The following SEPTIN9 variants were observed in gnomAD, a reference collection of about 807,000 sequenced individuals.
SEPTIN9 encodes septin-9.
Under a neutral mutation model 56.6 loss-of-function variants are expected in SEPTIN9, and 13 were observed. The ratio of observed to expected loss-of-function variants is 0.23; its 90% CI spans 0.15 to 0.37. The LOEUF is 0.37. Ranked by LOEUF, SEPTIN9 falls within the 10% of genes least tolerant of loss-of-function variation. The pLI is 1.00. For synonymous variants in SEPTIN9, 332 were observed against 334.1 expected, an observed-to-expected ratio of 0.99 and a Z score of 0.07; for missense variants, 650 against 823.1, an observed-to-expected ratio of 0.79 and a Z score of 2.57.
chr17:77,466,054 TCACACACACACACACACACACA>T (rs10599395), intron 3 of SEPTIN9, among the ~76,000 whole-genome samples: 130 of 127,476 alleles, frequency 1.0e-3, no homozygotes, highest in African/African-American at 3.0e-3. Context: ...TTCTGGACTG[TCACACACACACACACACACACA>T]CACACACACA....
chr17:77,430,984 C>G (rs893768234), intron 3 of SEPTIN9, among the ~76,000 whole-genome samples: 2 of 145,278 alleles, frequency 1.4e-5, no homozygotes, highest in African/African-American at 5.5e-5. Flanking sequence ...GAGCAATACT[C>G]CGTATCAAAA....
rs111674803 is a variant in SEPTIN9 at position 77,281,970 on chromosome 17, G to C, written c.19+416G>C. 3.1e-3 allele frequency: 580 copies of C among 185,102 alleles called. 6 individuals are homozygous for C. Among genetic ancestry groups the C allele is most frequent in the African/African-American group, 0.012 (520 of 42,680 alleles). 11.5% of individuals were successfully genotyped at this position (185,102 alleles called of 1,614,324 possible). A position where few individuals can be genotyped will look rare whatever the true frequency, so the allele number is the denominator to read the frequency against. On this transcript the variant is annotated intron_variant, in intron 1 of 11. Coordinates refer to ENST00000427177, the MANE Select transcript of SEPTIN9 (RefSeq NM_001113491.2). ...GTCCAGGCCGCAGCATCCTTTCTTCGGATTCTCTTCGGTTTCTCCTCTACT... is the reference window on the plus strand; with the variant it reads ...GTCCAGGCCGCAGCATCCTTTCTTCCGATTCTCTTCGGTTTCTCCTCTACT...
At chr17:77,344,358 G>A (rs1426135627) in intron 2 of SEPTIN9, among the ~76,000 whole-genome samples, 1 of 152,224 alleles carries the variant, frequency 6.6e-6, no homozygotes, top group Non-Finnish European at 1.5e-5. Context: ...ATGGATAACA[G>A]CAAGTGTTGG....
At chr17:77,372,908 G>A (rs909101543) in intron 2 of SEPTIN9, among the ~76,000 whole-genome samples, 2 of 152,258 alleles carry the variant, frequency 1.3e-5, no homozygotes, top group Admixed American at 1.3e-4. Context: ...AGAGCGCGCG[G>A]CGGCGGTGAC....
chr17:77,338,981 C>T (rs2033643716), intron 2 of SEPTIN9, among the ~76,000 whole-genome samples: 1 of 152,212 alleles, frequency 6.6e-6, no homozygotes, highest in African/African-American at 2.4e-5. Context: ...TCTGCTCATC[C>T]ATAAGAAGCA....
intron 3 of SEPTIN9, among the ~76,000 whole-genome samples, chr17:77,470,483 C>CACTCATCCACCCATTCACTCATCT (rs1319926369): frequency 1.1e-4 from 16 of 152,186 alleles, no homozygotes; most frequent in African/African-American, 3.6e-4. Context: ...CCCACCCATC[C>CACTCATCCACCCATTCACTCATCT]ACTCATCCAC....
At chr17:77,316,070 G>C (rs1206299103) in intron 2 of SEPTIN9, among the ~76,000 whole-genome samples, 1 of 152,198 alleles carries the variant, frequency 6.6e-6, no homozygotes, top group Non-Finnish European at 1.5e-5. Context: ...CCTCACTGTA[G>C]GATTACTCAG....
At chr17:77,490,696 T>A in intron 7 of SEPTIN9, 46 bp from the exon 8 acceptor site, 1 of 1,434,344 alleles carries the variant, frequency 7.0e-7, no homozygotes, top group Non-Finnish European at 9.6e-7. Flanking sequence ...GCCCCCCCAC[T>A]GCCCCGCTCC....
rs56947697 is a variant in SEPTIN9, at chr17:77,301,394, T to TTGTGTG, written c.20-5707_20-5702dup. ...TTCAAGAAAAAAAATGGGAATAGAT[T>TTGTGTG]TGTGTGTGTGTGTGTGTGTGTGTGT... On this transcript the variant is annotated intron_variant, in intron 1 of 11. Coordinates refer to ENST00000427177, the MANE Select transcript of SEPTIN9 (RefSeq NM_001113491.2). 3.0e-3 allele frequency among the ~76,000 whole-genome samples: 430 copies of TTGTGTG among 142,508 alleles called. 1 individual carries two copies. The highest frequency in any genetic ancestry group is 7.5e-3 in the African/African-American group (282 of 37,544). The allele number at this position is 142,508 out of a possible 152,430, so 93.5% of individuals were successfully genotyped here.
chr17:77,484,606 G>T (rs2039614749), intron 4 of SEPTIN9, among the ~76,000 whole-genome samples: 1 of 148,124 alleles, frequency 6.8e-6, no homozygotes, highest in Non-Finnish European at 1.5e-5. Flanking sequence ...TGATGGTGGT[G>T]GTGATGGTGG....
Position 77,453,230 on chromosome 17 carries a change from G to A in SEPTIN9, c.722-28914G>A, listed in dbSNP as rs1039694146. 5.3e-5 allele frequency among the ~76,000 whole-genome samples: 8 copies of A among 152,098 alleles called. No homozygotes were observed. The highest frequency in any genetic ancestry group is 1.3e-4 in the Admixed American group (2 of 15,260). On this transcript the variant is annotated intron_variant, in intron 3 of 11. Coordinates refer to ENST00000427177, the MANE Select transcript of SEPTIN9 (RefSeq NM_001113491.2). This position sits in a 1 kb window ranked among gnomAD's most constrained non-coding sequence, Gnocchi z 4.4. Reference sequence around the variant, plus strand: ...AGAAGATGCGACTTCTGCCCTGAGAGCCCTGCTTTAATGGAAGGCGGGGGC... The same window carrying A: ...AGAAGATGCGACTTCTGCCCTGAGAACCCTGCTTTAATGGAAGGCGGGGGC...
chr17:77,460,276 C>T lies in SEPTIN9; in HGVS notation c.722-21868C>T, dbSNP rs187284101. Among the ~76,000 whole-genome samples, 394 of 152,164 alleles carry T rather than the reference C, an allele frequency of 2.6e-3. 2 individuals are homozygous for T. The highest frequency in any genetic ancestry group is 3.4e-3 in the Middle Eastern group (1 of 294). ...ACTCAGGGATGGGAGGCTGGTCCCC[C>T]GAGGGGCCCTGGTGTTTGTGGAGTG... On this transcript the variant is annotated intron_variant, in intron 3 of 11. Transcript: ENST00000427177.
chr17:77,286,798 G>C (rs1461152483), intron 1 of SEPTIN9, among the ~76,000 whole-genome samples: 3 of 152,214 alleles, frequency 2.0e-5, no homozygotes, highest in Non-Finnish European at 4.4e-5. Context: ...CCCGGCCAGG[G>C]GGTGATGATG....
Position 77,303,464 on chromosome 17 carries a change from G to A in SEPTIN9, c.20-3677G>A, listed in dbSNP as rs1020017193. ...TAACGGTGACTAACGCCTGTAATCC[G>A]AACACTTTGGGAGGCTGAGGCAGGC... On this transcript the variant is annotated intron_variant, in intron 1 of 11. Coordinates refer to ENST00000427177, the MANE Select transcript of SEPTIN9 (RefSeq NM_001113491.2). 1.2e-3 allele frequency among the ~76,000 whole-genome samples: 183 copies of A among 149,594 alleles called. 1 individual carries two copies. The highest frequency in any genetic ancestry group is 4.2e-3 in the African/African-American group (172 of 40,958).
chr17:77,438,619 C>T (rs886446795), intron 3 of SEPTIN9, among the ~76,000 whole-genome samples: 16 of 152,182 alleles, frequency 1.1e-4, no homozygotes, highest in African/African-American at 3.9e-4. Context: ...GGCCACAAGC[C>T]AAGAAATGCA....
intron 2 of SEPTIN9, among the ~76,000 whole-genome samples, chr17:77,401,049 T>C (rs1163406665): frequency 6.6e-6 from 1 of 152,054 alleles, no homozygotes; most frequent in Non-Finnish European, 1.5e-5. Flanking sequence ...ACTGAGAAAG[T>C]TGGTTCCTGT....
At chr17:77,334,503 A>T (rs1317432778) in intron 2 of SEPTIN9, among the ~76,000 whole-genome samples, 1 of 151,212 alleles carries the variant, frequency 6.6e-6, no homozygotes, top group East Asian at 1.9e-4. Context: ...TATATGTATC[A>T]TAAGTTTTTT....
At chr17:77,286,535 G>C (rs916694190) in intron 1 of SEPTIN9, 1 of 152,258 alleles carries the variant, frequency 6.6e-6, no homozygotes, top group Non-Finnish European at 1.5e-5. Context: ...GAGATCCCAG[G>C]TGGGTGTTTG....
rs772162776 is a variant in SEPTIN9, at chr17:77,498,868, G to A, written c.*210G>A. ...GCCTCCCCGAGGTTGTGGGGAGGCT[G>A]CACTGGAGCCACAGGCAGGGGTGAG... On this transcript the variant is annotated 3_prime_UTR_variant, in exon 12 of 12. Transcript: ENST00000427177. The A allele has an allele frequency of 8.2e-6, 5 of 610,792 alleles. No individual in the cohort carries two copies. Among genetic ancestry groups the A allele is most frequent in the South Asian group, 4.6e-5 (3 of 65,866 alleles). 37.8% of individuals were successfully genotyped at this position (610,792 alleles called of 1,614,324 possible). A position where few individuals can be genotyped will look rare whatever the true frequency, so the allele number is the denominator to read the frequency against.
Sources: allele counts gnomAD v4.1 joint callset (sites outside exome capture counted in the v4.1 genomes callset), GRCh38; gene constraint gnomAD v4.1.1; non-coding constraint Gnocchi (gnomAD v3.1); transcripts MANE v1.5; gene names NCBI Gene and HGNC (gene_info 2026-07-23, HGNC 2026-07-21).